The following SEC11A variants were observed in gnomAD, a reference collection of about 807,000 sequenced individuals.
SEC11A encodes SEC11 homolog A, signal peptidase complex subunit, also known as signal peptidase complex catalytic subunit SEC11A.
SEC11A carries 14 observed loss-of-function variants against 25.6 expected under a neutral mutation model. That is an observed-to-expected ratio of 0.55 (90% confidence interval 0.36 to 0.85). The LOEUF (loss-of-function observed/expected upper bound fraction) is 0.85, where lower values mean the gene tolerates loss of function less well. SEC11A is among the 40% of genes least tolerant of loss of function. SEC11A has a pLI of 0.01. For missense variants in SEC11A, 153 were observed against 222.9 expected, an observed-to-expected ratio of 0.69 and a Z score of 2.00; for synonymous variants, 83 against 76.4, an observed-to-expected ratio of 1.09 and a Z score of -0.45.
intron 1 of SEC11A, 115 bp downstream of exon 1, chr15:84,715,910 G>A: frequency 1.1e-6 from 1 of 930,180 alleles, no homozygotes; most frequent in East Asian, 2.7e-5. Context: ...CGAATGACCC[G>A]GGTATCAGAC....
At chr15:84,693,938 A>G (rs181930750) in intron 1 of SEC11A, among the ~76,000 whole-genome samples, 238 of 152,346 alleles carry the variant, frequency 1.6e-3, no homozygotes, top group Non-Finnish European at 2.9e-3. Flanking sequence ...GCACACACAC[A>G]TAAGTATACA....
At chr15:84,703,001 A>G (rs1897992780) in intron 1 of SEC11A, among the ~76,000 whole-genome samples, 1 of 152,186 alleles carries the variant, frequency 6.6e-6, no homozygotes, top group Admixed American at 6.6e-5. Flanking sequence ...AGTAGTACCC[A>G]CGTGACTCAG....
chr15:84,709,220 G>A (rs1898189250), intron 1 of SEC11A, among the ~76,000 whole-genome samples: 1 of 151,698 alleles, frequency 6.6e-6, no homozygotes, highest in Admixed American at 6.6e-5. Flanking sequence ...TTAAGAGATG[G>A]GGCCTCACTA....
intron 4 of SEC11A, among the ~76,000 whole-genome samples, chr15:84,677,287 T>G (rs1897159540): frequency 6.6e-6 from 1 of 151,988 alleles, no homozygotes; most frequent in Non-Finnish European, 1.5e-5. Context: ...GAAAGTAAAT[T>G]TATATAGTTA....
chr15:84,702,438 C>T (rs577878326), intron 1 of SEC11A, among the ~76,000 whole-genome samples: 93 of 151,178 alleles, frequency 6.2e-4, no homozygotes, highest in African/African-American at 2.1e-3. Flanking sequence ...TGCACTCCAG[C>T]CTGGGCAGCA....
rs780147756 is a variant in SEC11A at position 84,669,973 on chromosome 15, G to C, written c.*46C>G. ...GACCAGTATCTACTCCAAACATCCA[G>C]TAACGAAAACTATGGCATCTTCCCA... On this transcript the variant is annotated 3_prime_UTR_variant, in exon 6 of 6. Transcript: ENST00000268220. The C allele has an allele frequency of 1.2e-6, 2 of 1,612,694 alleles. No individual in the cohort carries two copies. The highest frequency in any genetic ancestry group is 1.7e-6 in the Non-Finnish European group (2 of 1,179,470).
chr15:84,697,830 C>T (rs776094075), intron 1 of SEC11A, among the ~76,000 whole-genome samples: 2 of 152,160 alleles, frequency 1.3e-5, no homozygotes, highest in Non-Finnish European at 1.5e-5. Context: ...TTAATAAAGA[C>T]ATTGCAACAT....
Position 84,713,335 on chromosome 15 carries a change from A to C in SEC11A, c.51+2690T>G, listed in dbSNP as rs1257623469. ...GACATTTAACATATATGTAATATGTAATTAGGTATAAGCAGAGAAGTTATG... is the reference window on the plus strand; with the variant it reads ...GACATTTAACATATATGTAATATGTCATTAGGTATAAGCAGAGAAGTTATG... On this transcript the variant is annotated intron_variant, in intron 1 of 5. Transcript: ENST00000268220. 3.9e-5 allele frequency among the ~76,000 whole-genome samples: 6 copies of C among 152,218 alleles called. 1 individual carries two copies.
At chr15:84,670,255 TTTC>T (rs891810904) in intron 5 of SEC11A, 186 bp from the exon 6 acceptor site, 3 of 488,626 alleles carry the variant, frequency 6.1e-6, no homozygotes, top group African/African-American at 2.0e-5. Flanking sequence ...TTTAAATAAT[TTTC>T]TTTTTTTTTT....
At chr15:84,679,925 A>C (rs571786192) in intron 4 of SEC11A, 21 of 1,525,176 alleles carry the variant, frequency 1.4e-5, no homozygotes, top group Non-Finnish European at 1.8e-5. Flanking sequence ...TAATACCAAC[A>C]ACTTACAATT....
chr15:84,679,785 C>G (rs1051444696), intron 4 of SEC11A: 2 of 547,534 alleles, frequency 3.7e-6, no homozygotes, highest in African/African-American at 3.8e-5. Context: ...TAGGGTTGTT[C>G]TGAGGTTAAA....
chr15:84,684,047 TA>T (rs1310291761), intron 3 of SEC11A, among the ~76,000 whole-genome samples: 1 of 151,954 alleles, frequency 6.6e-6, no homozygotes, highest in Non-Finnish European at 1.5e-5. Flanking sequence ...GAGAAAAAAA[TA>T]AGACCCCAAA....
intron 3 of SEC11A, chr15:84,686,832 G>T (rs987142876): frequency 6.6e-6 from 1 of 151,912 alleles, no homozygotes; most frequent in East Asian, 1.9e-4. Context: ...CCAATTAGCT[G>T]GGACTACAGG....
intron 1 of SEC11A, among the ~76,000 whole-genome samples, chr15:84,693,792 T>G (rs1403356346): frequency 6.6e-6 from 1 of 152,110 alleles, no homozygotes; most frequent in African/African-American, 2.4e-5. Context: ...GATAATGGTG[T>G]TGTGGTTATG....
At position 84,696,080 on chromosome 15, in the gene SEC11A, G is replaced by A. The variant is rs576312238; in HGVS notation, c.52-4436C>T. On this transcript the variant is annotated intron_variant, in intron 1 of 5. Coordinates refer to ENST00000268220, the MANE Select transcript of SEC11A (RefSeq NM_014300.4). Reference sequence around the variant, plus strand: ...CACAAAAGGAAATATGAACATTTTCGCCGAGACAATTAGAAATATTTGCTG... The same window carrying A: ...CACAAAAGGAAATATGAACATTTTCACCGAGACAATTAGAAATATTTGCTG... Among the ~76,000 whole-genome samples the A allele has an allele frequency of 2.2e-4, 34 of 152,122 alleles. 1 individual carries two copies. The highest frequency in any genetic ancestry group is 7.7e-4 in the African/African-American group (32 of 41,504).
rs528189532 is a variant in SEC11A at position 84,674,432 on chromosome 15, A to G, written c.432-3650T>C. ...GCTGCTAATTCTGATCTGATGATCA[A>G]TAAGCAGCCATTCTAATACACAGAG... On this transcript the variant is annotated intron_variant, in intron 4 of 5. Transcript: ENST00000268220. 1.6e-4 allele frequency among the ~76,000 whole-genome samples: 24 copies of G among 152,312 alleles called. No individual in the cohort carries two copies. In the South Asian group the frequency reaches 2.3e-3, roughly 14 times the overall value.
chr15:84,675,025 T>C (rs984662454), intron 4 of SEC11A, among the ~76,000 whole-genome samples: 8 of 152,190 alleles, frequency 5.3e-5, no homozygotes, highest in Non-Finnish European at 1.0e-4. Flanking sequence ...TTACCCTCCA[T>C]GGACAGAGAT....
chr15:84,690,026 T>G (rs979047143), intron 2 of SEC11A, among the ~76,000 whole-genome samples: 1 of 152,146 alleles, frequency 6.6e-6, no homozygotes, highest in Non-Finnish European at 1.5e-5. Context: ...CCCAGCATGT[T>G]GGGAGGCCAA....
rs374559410 is a variant in SEC11A at position 84,702,541 on chromosome 15, C to A, written c.52-10897G>T. On this transcript the variant is annotated intron_variant, in intron 1 of 5. Coordinates refer to ENST00000268220, the MANE Select transcript of SEC11A (RefSeq NM_014300.4). ...GCTGGTTTCAAACTCCTGGGCTCAA[C>A]AATCGTCCTGCCTCAGCCTCCTGAG... Among the ~76,000 whole-genome samples the A allele has an allele frequency of 1.2e-4, 18 of 151,902 alleles. 1 individual carries two copies. The highest frequency in any genetic ancestry group is 7.7e-4 in the East Asian group (4 of 5,172).
Sources: gnomAD v4.1 joint callset for allele counts (sites outside exome capture counted in the v4.1 genomes callset) on GRCh38, gnomAD v4.1.1 for gene constraint, MANE v1.5 for transcripts, NCBI Gene and HGNC (gene_info 2026-07-23, HGNC 2026-07-21) for gene names.